Variants in DPRX observed in about 807,000 individuals in gnomAD.
DPRX encodes divergent paired-related homeobox.
Under a neutral mutation model 8.4 loss-of-function variants are expected in DPRX, and 11 were observed. That is an observed-to-expected ratio of 1.31 (90% CI 0.82 to 2.17). The LOEUF (loss-of-function observed/expected upper bound fraction) is 2.17, where lower values mean the gene tolerates loss of function less well. DPRX is among the 30% of genes most tolerant of loss of function. The pLI is 0.00. For missense variants in DPRX, 211 were observed against 236.7 expected, an observed-to-expected ratio of 0.89 and a Z score of 0.71; for synonymous variants, 72 against 87.0, an observed-to-expected ratio of 0.83 and a Z score of 0.96.
chr19:53,602,283 T>TGTGTG, the DPRX span: 1 of 325,452 alleles, frequency 3.1e-6, no homozygotes, highest in South Asian at 2.4e-5. Context: ...TGTGTGTGTG[T>TGTGTG]GTGTGTGTGT....
the DPRX span, chr19:53,603,459 G>A: frequency 2.2e-6 from 1 of 452,042 alleles, no homozygotes; most frequent in Non-Finnish European, 4.5e-6. Flanking sequence ...AGGAACACAT[G>A]CTGGGGATTC....
At chr19:53,611,103 T>C in the DPRX span, among the ~76,000 whole-genome samples, 3 of 152,112 alleles carry the variant, frequency 2.0e-5, no homozygotes, top group Admixed American at 6.6e-5. Flanking sequence ...GGTTTCACCA[T>C]GTTGGCCAGG....
chr19:53,601,687 G>C, the DPRX span, among the ~76,000 whole-genome samples: 1 of 151,962 alleles, frequency 6.6e-6, no homozygotes, highest in Admixed American at 6.6e-5. Flanking sequence ...TCACCATGTT[G>C]GTCAGGCTGG....
the DPRX span, among the ~76,000 whole-genome samples, chr19:53,616,513 G>A: frequency 6.6e-6 from 1 of 152,168 alleles, no homozygotes; most frequent in South Asian, 2.1e-4. Flanking sequence ...CCAGCACTTT[G>A]GGAGGCTGAG....
the DPRX span, among the ~76,000 whole-genome samples, chr19:53,614,423 C>T: frequency 6.6e-6 from 1 of 152,014 alleles, no homozygotes; most frequent in African/African-American, 2.4e-5. Flanking sequence ...AATAGGCGGA[C>T]CACGGTGGCT....
At chr19:53,630,198 G>C (rs2091087146), upstream of DPRX, among the ~76,000 whole-genome samples, 2 of 148,588 alleles carry the variant, frequency 1.3e-5, no homozygotes, top group Admixed American at 1.4e-4. Flanking sequence ...GGGCGACAGA[G>C]TGAGACTCCA....
chr19:53,601,409 C>T, the DPRX span: 83 of 454,918 alleles, frequency 1.8e-4, no homozygotes, highest in Non-Finnish European at 2.9e-4. Flanking sequence ...ACACCACGAA[C>T]GTCTGCAAGG....
chr19:53,607,700 A>T, the DPRX span, among the ~76,000 whole-genome samples: 1 of 149,918 alleles, frequency 6.7e-6, no homozygotes, highest in Non-Finnish European at 1.5e-5. Flanking sequence ...AAAAAAAAAA[A>T]AAAACCAAAT....
At chr19:53,620,464 G>T in the DPRX span, among the ~76,000 whole-genome samples, 2 of 151,672 alleles carry the variant, frequency 1.3e-5, no homozygotes, top group African/African-American at 2.4e-5. Context: ...CTGGGTTCAA[G>T]AGATTCTCCT....
At chr19:53,605,921 A>C in the DPRX span, among the ~76,000 whole-genome samples, 1 of 151,968 alleles carries the variant, frequency 6.6e-6, no homozygotes, top group Non-Finnish European at 1.5e-5. Context: ...CTCCCACCTC[A>C]GCCTCCCAAA....
At chr19:53,604,874 G>A in the DPRX span, among the ~76,000 whole-genome samples, 2 of 151,990 alleles carry the variant, frequency 1.3e-5, no homozygotes, top group African/African-American at 4.8e-5. Flanking sequence ...GGAAAAATAG[G>A]TTTTCAGTGT....
chr19:53,613,791 G>C, the DPRX span, among the ~76,000 whole-genome samples: 1 of 152,016 alleles, frequency 6.6e-6, no homozygotes, highest in African/African-American at 2.4e-5. Flanking sequence ...GACAGAACAT[G>C]GCCCCTAATG....
the DPRX span, among the ~76,000 whole-genome samples, chr19:53,603,084 C>T: frequency 6.6e-6 from 1 of 151,118 alleles, no homozygotes; most frequent in Admixed American, 6.7e-5. Context: ...TGGGATCTCG[C>T]CCCATTGCCC....
the DPRX span, chr19:53,616,924 T>G: frequency 7.3e-7 from 1 of 1,366,250 alleles, no homozygotes; most frequent in Non-Finnish European, 1.0e-6. Context: ...GGTGGTGTCT[T>G]ACTTCCTCAT....
intron 1 of DPRX, among the ~76,000 whole-genome samples, chr19:53,633,628 G>C (rs1248980322): frequency 6.6e-6 from 1 of 152,058 alleles, no homozygotes; most frequent in Non-Finnish European, 1.5e-5. Flanking sequence ...TCCTGCCTCA[G>C]CCTCCCGAGT....
the DPRX span, among the ~76,000 whole-genome samples, chr19:53,612,406 T>C: frequency 2.0e-5 from 3 of 150,536 alleles, no homozygotes; most frequent in Non-Finnish European, 4.4e-5. Flanking sequence ...GACAGCAGCA[T>C]AGAAATAGGA....
At chr19:53,602,133 A>G in the DPRX span, 2 of 456,716 alleles carry the variant, frequency 4.4e-6, no homozygotes, top group Non-Finnish European at 8.8e-6. Flanking sequence ...CCAATGGGCC[A>G]ATACCAGGCA....
At chr19:53,616,558 C>T in the DPRX span, among the ~76,000 whole-genome samples, 2 of 152,110 alleles carry the variant, frequency 1.3e-5, no homozygotes, top group Non-Finnish European at 2.9e-5. Flanking sequence ...AGTTCGAGAC[C>T]AGCCTAACCA....
chr19:53,636,022 C>CAA (rs1187212500), intron 2 of DPRX, among the ~76,000 whole-genome samples: 1 of 152,134 alleles, frequency 6.6e-6, no homozygotes, highest in African/African-American at 2.4e-5. Context: ...TGTAAGTGGC[C>CAA]AAGCTGTGGC....
Sources: allele counts gnomAD v4.1 joint callset (sites outside exome capture counted in the v4.1 genomes callset), GRCh38; gene constraint gnomAD v4.1.1; transcripts MANE v1.5; gene names NCBI Gene and HGNC (gene_info 2026-07-23, HGNC 2026-07-21).